Variants in PRELID2 observed in about 807,000 individuals in gnomAD.
PRELID2 encodes PRELI domain containing 2.
Under a neutral mutation model 28.4 loss-of-function variants are expected in PRELID2, and 25 were observed. The ratio of observed to expected loss-of-function variants is 0.88; its 90% CI spans 0.64 to 1.23. The LOEUF (loss-of-function observed/expected upper bound fraction) is 1.23, where lower values mean the gene tolerates loss of function less well. Among genes scored for constraint, PRELID2 ranks in the 50% most tolerant of loss-of-function variants. PRELID2 has a pLI of 0.00. For missense variants in PRELID2, 201 were observed against 214.4 expected, an observed-to-expected ratio of 0.94 and a Z score of 0.39; for synonymous variants, 76 against 71.6, an observed-to-expected ratio of 1.06 and a Z score of -0.31.
rs1009831491 is a variant in PRELID2, at chr5:145,570,038, T to C, written n.71-96723A>G. ...CTGCGAGGGCTATCACATGCCTCTC[T>C]CCCAGCTTCTGGTTGTTCGCATTGG... On this transcript the variant is annotated intron_variant and non_coding_transcript_variant, in intron 1 of 2. Transcript: ENST00000510259. Among the ~76,000 whole-genome samples, 15 of 152,166 alleles carry C rather than the reference T, an allele frequency of 9.9e-5. No homozygotes were observed. The East Asian group carries it at 2.9e-3, about 29-fold the overall frequency.
chr5:145,413,434 G>T, the PRELID2 span, among the ~76,000 whole-genome samples: 1 of 152,100 alleles, frequency 6.6e-6, no homozygotes, highest in African/African-American at 2.4e-5. Flanking sequence ...ATTCCTTGAA[G>T]AACTAAAAGT....
chr5:145,478,414 G>A (rs1752126822), intron 1 of PRELID2, among the ~76,000 whole-genome samples: 1 of 152,044 alleles, frequency 6.6e-6, no homozygotes, highest in South Asian at 2.1e-4. Context: ...GGGCATGGTG[G>A]TGCGCACCTG....
chr5:145,833,973 T>TCAGAGTC (rs1218854169), intron 1 of PRELID2, among the ~76,000 whole-genome samples: 1 of 152,156 alleles, frequency 6.6e-6, no homozygotes, highest in Non-Finnish European at 1.5e-5. Context: ...TAGAACCAGA[T>TCAGAGTC]CAGAGTCCAG....
chr5:145,263,546 C>G, the PRELID2 span, among the ~76,000 whole-genome samples: 10 of 151,628 alleles, frequency 6.6e-5, no homozygotes, highest in African/African-American at 2.4e-4. Context: ...AAACAAAAAG[C>G]TGGTTCTTTG....
chr5:145,695,908 A>G (rs922318358), intron 1 of PRELID2, among the ~76,000 whole-genome samples: 1 of 152,174 alleles, frequency 6.6e-6, no homozygotes, highest in African/African-American at 2.4e-5. Flanking sequence ...ACCACACAAA[A>G]GCATAAATAT....
intron 1 of PRELID2, among the ~76,000 whole-genome samples, chr5:145,508,046 G>A (rs185826990): frequency 1.3e-5 from 2 of 152,222 alleles, no homozygotes; most frequent in Admixed American, 6.5e-5. Context: ...GTCCTCCCAT[G>A]TTCATAAAGA....
chr5:145,340,230 T>G, the PRELID2 span, among the ~76,000 whole-genome samples: 1 of 152,338 alleles, frequency 6.6e-6, no homozygotes, highest in Admixed American at 6.5e-5. Flanking sequence ...TGCTGTGGTC[T>G]GAGGTCTGGC....
the PRELID2 span, among the ~76,000 whole-genome samples, chr5:145,250,208 C>A: frequency 1.0e-3 from 156 of 152,194 alleles, no homozygotes; most frequent in African/African-American, 3.7e-3. Flanking sequence ...TACACACAGA[C>A]AACCTTCGTC....
the PRELID2 span, among the ~76,000 whole-genome samples, chr5:145,331,639 C>T: frequency 9.2e-5 from 14 of 151,828 alleles, no homozygotes; most frequent in South Asian, 2.7e-3. Flanking sequence ...CTTCCTCCAT[C>T]CTTTTTTTTG....
At chr5:145,442,328 G>A in the PRELID2 span, among the ~76,000 whole-genome samples, 1 of 151,992 alleles carries the variant, frequency 6.6e-6, no homozygotes, top group East Asian at 1.9e-4. Context: ...CTTTAGTTGT[G>A]CCTGGTACAG....
chr5:145,355,065 T>A, the PRELID2 span, among the ~76,000 whole-genome samples: 4 of 152,166 alleles, frequency 2.6e-5, no homozygotes, highest in South Asian at 8.3e-4. Flanking sequence ...TGTTTAATAT[T>A]CTTGATTTAT....
In PRELID2 at chr5:145,486,985, G is replaced by A. The variant is rs994055275; in HGVS notation, n.71-13670C>T. ...AAATCATCATTCTCAGTAAACTATC[G>A]CAAGAACAAAAAACCAAACACCGCA... On this transcript the variant is annotated intron_variant and non_coding_transcript_variant, in intron 1 of 2. Transcript: ENST00000510259. Among the ~76,000 whole-genome samples the A allele has an allele frequency of 5.5e-5, 8 of 146,598 alleles. No individual in the cohort carries two copies. In the South Asian group the frequency reaches 6.8e-4, roughly 12 times the overall value.
chr5:145,819,941 T>A lies in PRELID2; in HGVS notation c.207+4A>T. ...ACTGTGATTACATTTTAAAATGAAC[T>A]TACCTTCCTTAAAATTTCTGGAACC... On this transcript the variant is annotated splice_donor_region_variant and intron_variant, in intron 3 of 6. Transcript: ENST00000683046. 4 of 1,559,568 alleles carry A rather than the reference T, an allele frequency of 2.6e-6. No individual in the cohort carries two copies. The highest frequency in any genetic ancestry group is 3.5e-6 in the Non-Finnish European group (4 of 1,132,642).
chr5:145,355,655 A>G, the PRELID2 span, among the ~76,000 whole-genome samples: 1 of 152,298 alleles, frequency 6.6e-6, no homozygotes, highest in South Asian at 2.1e-4. Flanking sequence ...TAAGACACTG[A>G]GAAAAATGAG....
At chr5:145,827,589 C>T (rs1561657559) in intron 1 of PRELID2, among the ~76,000 whole-genome samples, 1 of 152,272 alleles carries the variant, frequency 6.6e-6, no homozygotes, top group East Asian at 1.9e-4. Context: ...ACATCAGCCT[C>T]TTTCTTTCAA....
chr5:145,282,874 AT>A, the PRELID2 span, among the ~76,000 whole-genome samples: 1 of 152,142 alleles, frequency 6.6e-6, no homozygotes, highest in Non-Finnish European at 1.5e-5. Flanking sequence ...TATTGAAAAT[AT>A]TCCCTTCAAT....
At chr5:145,824,759 G>C (rs907852092) in intron 1 of PRELID2, among the ~76,000 whole-genome samples, 1 of 152,164 alleles carries the variant, frequency 6.6e-6, no homozygotes, top group Non-Finnish European at 1.5e-5. Flanking sequence ...TCTATGAAGA[G>C]AGCAGTGGCT....
downstream of PRELID2, among the ~76,000 whole-genome samples, chr5:145,755,432 T>C (rs2149755235): frequency 6.6e-6 from 1 of 152,326 alleles, no homozygotes; most frequent in African/African-American, 2.4e-5. Context: ...TCATTAGGCA[T>C]CTACCTTACA....
At chr5:145,325,327 T>C in the PRELID2 span, among the ~76,000 whole-genome samples, 1 of 152,202 alleles carries the variant, frequency 6.6e-6, no homozygotes, top group Non-Finnish European at 1.5e-5. Flanking sequence ...GGAGAATGTT[T>C]CTTTTCAACT....
Sources: gnomAD v4.1 joint callset for allele counts (sites outside exome capture counted in the v4.1 genomes callset) on GRCh38, gnomAD v4.1.1 for gene constraint, MANE v1.5 for transcripts, NCBI Gene and HGNC (gene_info 2026-07-23, HGNC 2026-07-21) for gene names.